Variants in LILRB3 observed in about 807,000 individuals in gnomAD.
LILRB3 encodes the protein leukocyte immunoglobulin like receptor B3, also known as leukocyte immunoglobulin-like receptor subfamily B member 3.
A neutral mutation model predicts 68.2 loss-of-function variants in LILRB3; 32 were observed. The ratio of observed to expected loss-of-function variants is 0.47; its 90% CI spans 0.35 to 0.63. LILRB3 has a LOEUF of 0.63. Ranked by LOEUF, LILRB3 falls within the 30% of genes least tolerant of loss-of-function variation. LILRB3 has a pLI of 0.00. For missense variants in LILRB3, 502 were observed against 791.3 expected (o/e 0.63, Z 4.39); for synonymous variants, 185 against 323.1 (o/e 0.57, Z 4.58).
chr19:54,219,172 G>A (rs1021322095), exon 8 of LILRB3: 1 of 1,608,356 alleles, frequency 6.2e-7, no homozygotes, highest in Non-Finnish European at 8.5e-7. Flanking sequence ...GGAGGAGGAG[G>A]AAGAGGAGGA....
Position 54,220,150 on chromosome 19 carries a change from C to T in LILRB3, c.1309+5G>A, listed in dbSNP as rs1397465958. On this transcript the variant is annotated splice_donor_5th_base_variant and intron_variant, in intron 7 of 12. Transcript: ENST00000445347. Reference sequence around the variant, plus strand: ...GGCGCTCCCCAAGAGGCCTCAGTGACTCACCAGGTGTGGAGGGCGGCCCTG... The same window carrying T: ...GGCGCTCCCCAAGAGGCCTCAGTGATTCACCAGGTGTGGAGGGCGGCCCTG... 55 of 1,506,042 alleles carry T rather than the reference C, an allele frequency of 3.7e-5. No homozygotes were observed. Among genetic ancestry groups the T allele is most frequent in the Non-Finnish European group, 4.5e-5 (50 of 1,115,918 alleles). The allele number at this position is 1,506,042 out of a possible 1,614,324, so 93.3% of individuals were successfully genotyped here.
At chr19:54,216,615 A>G (rs2077498996) in exon 13 of LILRB3, 1 of 1,012,298 alleles carries the variant, frequency 9.9e-7, no homozygotes, top group Non-Finnish European at 1.2e-6. Flanking sequence ...CGGCCTATTT[A>G]TGCTTCTTAA....
intron 1 of LILRB3, 25 bp downstream of exon 1, chr19:54,222,918 C>A: frequency 6.2e-7 from 1 of 1,612,560 alleles, no homozygotes; most frequent in Non-Finnish European, 8.5e-7. Context: ...ACTCGGATCT[C>A]CCCCTCCCCA....
At chr19:54,220,696 G>C (rs1233303135) in exon 6 of LILRB3, 4 of 1,526,174 alleles carry the variant, frequency 2.6e-6, no homozygotes, top group Non-Finnish European at 3.5e-6. Context: ...CGCAGTGGGG[G>C]ATGGGCTGCC....
exon 4 of LILRB3, chr19:54,222,124 T>C: frequency 6.2e-7 from 1 of 1,606,536 alleles, no homozygotes; most frequent in South Asian, 1.1e-5. Context: ...GGGTTTGTTG[T>C]AGAATCCTAG....
At chr19:54,219,107 G>A in intron 8 of LILRB3, 22 bp downstream of exon 8, 1 of 1,572,414 alleles carries the variant, frequency 6.4e-7, no homozygotes, top group South Asian at 1.2e-5. Context: ...TCGACCCATG[G>A]GTCCCCCGCT....
At chr19:54,218,953 A>G in intron 8 of LILRB3, 115 bp from the exon 9 acceptor site, 2 of 1,543,720 alleles carry the variant, frequency 1.3e-6, no homozygotes, top group Non-Finnish European at 8.7e-7. Flanking sequence ...TGTTCCAAAT[A>G]TTTTATGAGA....
intron 4 of LILRB3, 197 bp downstream of exon 4, chr19:54,221,631 A>C: frequency 6.4e-7 from 1 of 1,564,688 alleles, no homozygotes; most frequent in Non-Finnish European, 8.6e-7. Context: ...TGCCTTCCTG[A>C]GTCCTCCCCT....
chr19:54,217,622 G>T lies in LILRB3; in HGVS notation c.1594-148C>A, dbSNP rs1257686663. 1.3e-5 allele frequency: 15 copies of T among 1,123,470 alleles called. No homozygotes were observed. The East Asian group carries it at 3.4e-4, about 25-fold the overall frequency. 69.6% of individuals were successfully genotyped at this position (1,123,470 alleles called of 1,614,324 possible). A position where few individuals can be genotyped will look rare whatever the true frequency, so the allele number is the denominator to read the frequency against. On this transcript the variant is annotated intron_variant, in intron 11 of 12. Transcript: ENST00000445347. The stretch of plus-strand genomic sequence containing the variant: ...CCCTAAGGCCGTGGAGGGTCTGGCC[G>T]CTCCCTCCCTGTGGTTCTGGCCTCT...
Position 54,220,791 on chromosome 19 carries a change from C to A in LILRB3, c.995G>T (p.Gly332Val). 15 of 1,508,624 alleles carry A rather than the reference C, an allele frequency of 9.9e-6. No homozygotes were observed. The South Asian group carries it at 1.7e-4, about 17-fold the overall frequency. 93.5% of individuals were successfully genotyped at this position (1,508,624 alleles called of 1,614,324 possible). A position where few individuals can be genotyped will look rare whatever the true frequency, so the allele number is the denominator to read the frequency against. Residue 332 changes from glycine to valine, a missense_variant, in exon 6 of 13, where the codon GGC (glycine) becomes GTC (valine). By Grantham distance (109) the Gly-to-Val change is moderately radical. Around this residue, in one of 8 missense-constraint regions of LILRB3, gnomAD observed 77 missense variants for 152.8 expected, o/e 0.50. Transcript: ENST00000445347. Reference sequence around the variant, plus strand: ...GTTCTCTCCTGAGGCCACTGTGGGGCCCGGCTGTGCTGACAGGGAGACGGT... The same window carrying A: ...GTTCTCTCCTGAGGCCACTGTGGGGACCGGCTGTGCTGACAGGGAGACGGT...
At chr19:54,220,643 G>A in exon 6 of LILRB3, 1 of 1,538,698 alleles carries the variant, frequency 6.5e-7, no homozygotes, top group Non-Finnish European at 8.8e-7. Flanking sequence ...GACTCATGGG[G>A]AATTCAGCCT....
In LILRB3 at chr19:54,220,716, G is replaced by T. The variant is rs1390654272; in HGVS notation, c.1070C>A (p.Thr357Asn). 6.5e-7 allele frequency: 1 copy of T among 1,529,792 alleles called. No homozygotes were observed. Among genetic ancestry groups the T allele is most frequent in the Non-Finnish European group, 8.8e-7 (1 of 1,134,776 alleles). The allele number at this position is 1,529,792 out of a possible 1,614,324, so 94.8% of individuals were successfully genotyped here. The change falls in exon 6 of 13, where the codon ACC (threonine) becomes AAC (asparagine). Residue 357 changes from threonine to asparagine, a missense_variant. By Grantham distance (65) the Thr-to-Asn change is moderately conservative. Transcript: ENST00000445347. ...TGGGGGATGGGCTGCCCCTTCTTTG[G>T]TCAGAAGGAAAGTGTCAAAATACCC...
At chr19:54,217,801 A>G (rs1305984615) in intron 11 of LILRB3, 22 of 563,714 alleles carry the variant, frequency 3.9e-5, no homozygotes, top group Non-Finnish European at 6.2e-5. Flanking sequence ...CAGGCTTCTC[A>G]GATGACAGCT....
At chr19:54,218,996 TAAATGCGTATTG>T (rs1045970471) in intron 8 of LILRB3, 121 bp downstream of exon 8, 1 of 1,521,602 alleles carries the variant, frequency 6.6e-7, no homozygotes, top group African/African-American at 1.4e-5. Context: ...CTGAAGTTTG[TAAATGCGTATTG>T]AAATTACGTG....
At chr19:54,218,382 G>A (rs200450535) in exon 11 of LILRB3, 7 of 1,614,016 alleles carry the variant, frequency 4.3e-6, no homozygotes, top group African/African-American at 4.0e-5. Context: ...GCTCCACCCT[G>A]TCCTCAGACT....
In LILRB3 at chr19:54,222,965, G is replaced by A. The variant is rs1243626243; in HGVS notation, c.12C>T (p.Ala4=). The change falls in exon 1 of 13, where the codon GCC becomes GCT. Residue 4 remains alanine (A), a synonymous_variant. Coordinates refer to ENST00000445347, the Ensembl canonical transcript of LILRB3. ...CACCAAGGCAGAGCAGGGCTGTGAG[G>A]GCGGGCGTCATGGCGTCTCCTCCCG... 5.1e-3 allele frequency: 8,193 copies of A among 1,607,686 alleles called. 18 individuals carry two copies. Among genetic ancestry groups the A allele is most frequent in the Non-Finnish European group, 6.3e-3 (7,351 of 1,175,524 alleles).
exon 7 of LILRB3, chr19:54,220,158 G>C: frequency 2.0e-6 from 3 of 1,504,482 alleles, no homozygotes; most frequent in South Asian, 1.2e-5. Context: ...GACTCACCAG[G>C]TGTGGAGGGC....
exon 8 of LILRB3, chr19:54,219,198 C>A (rs572753215): frequency 6.2e-7 from 1 of 1,606,520 alleles, no homozygotes; most frequent in Non-Finnish European, 8.5e-7. Flanking sequence ...AGCAGCAGGA[C>A]GAAGGCCACC....
chr19:54,219,427 G>C, intron 7 of LILRB3, 182 bp from the exon 8 acceptor site: 4 of 1,498,322 alleles, frequency 2.7e-6, no homozygotes, highest in Non-Finnish European at 3.6e-6. Flanking sequence ...GCAGGGAGTC[G>C]CCTGCCCCAG....
Sources: allele counts gnomAD v4.1 joint callset, GRCh38; gene constraint gnomAD v4.1.1; regional missense constraint gnomAD v4.1.1; transcripts MANE v1.5; gene names NCBI Gene and HGNC (gene_info 2026-07-23, HGNC 2026-07-21).